The following SMYD3 variants were observed in gnomAD, a reference collection of about 807,000 sequenced individuals.
The protein encoded by SMYD3 is SET and MYND domain containing 3, also known as histone-lysine N-methyltransferase SMYD3.
A neutral mutation model predicts 57.7 loss-of-function variants in SMYD3; 36 were observed. The ratio of observed to expected loss-of-function variants is 0.62; its 90% CI spans 0.48 to 0.82. SMYD3 has a LOEUF of 0.82. Among genes scored for constraint, SMYD3 ranks in the 40% least tolerant of loss-of-function variants. The pLI, the probability that SMYD3 is intolerant of heterozygous loss-of-function variation, is 0.00. For missense variants in SMYD3, 515 were observed against 538.8 expected (o/e 0.96, Z 0.44); for synonymous variants, 211 against 195.0 (o/e 1.08, Z -0.68).
intron 5 of SMYD3, among the ~76,000 whole-genome samples, chr1:246,139,161 A>G (rs555533246): frequency 6.6e-6 from 1 of 152,334 alleles, no homozygotes; most frequent in African/African-American, 2.4e-5. Context: ...TGTCTGATTA[A>G]GCTTCCTGGG....
At chr1:246,082,124 C>G (rs1240836893) in intron 5 of SMYD3, among the ~76,000 whole-genome samples, 7 of 152,138 alleles carry the variant, frequency 4.6e-5, no homozygotes, top group Non-Finnish European at 8.8e-5. Flanking sequence ...TGGTCATAGT[C>G]CCTCCCTAAA....
Position 246,270,402 on chromosome 1 carries a change from C to T in SMYD3, c.531+56799G>A, listed in dbSNP as rs146506413. 7.2e-5 allele frequency among the ~76,000 whole-genome samples: 11 copies of T among 152,276 alleles called. No homozygotes were observed. The East Asian group carries it at 7.7e-4, about 11-fold the overall frequency. On this transcript the variant is annotated intron_variant, in intron 5 of 11. Coordinates refer to ENST00000490107, the MANE Select transcript of SMYD3 (RefSeq NM_001167740.2). ...CCATTCATAATGTTGTGCACCATCA[C>T]CACCATCCATCTCTGTAACTCTTTT...
intron 5 of SMYD3, among the ~76,000 whole-genome samples, chr1:246,301,503 A>G (rs1009851538): frequency 6.6e-6 from 1 of 152,170 alleles, no homozygotes; most frequent in African/African-American, 2.4e-5. Flanking sequence ...GATGGCCACA[A>G]ATTAAGATTG....
rs186429898 is a variant in SMYD3 at position 246,205,761 on chromosome 1, T to C, written c.531+121440A>G. On this transcript the variant is annotated intron_variant, in intron 5 of 11. Transcript: ENST00000490107. Reference sequence around the variant, plus strand: ...CTTGAACCCAGGAGGCGAGGTTGCATTGAGCTGAGATCGTGCCACTGCACT... The same window carrying C: ...CTTGAACCCAGGAGGCGAGGTTGCACTGAGCTGAGATCGTGCCACTGCACT... Among the ~76,000 whole-genome samples, 196 of 152,134 alleles carry C rather than the reference T, an allele frequency of 1.3e-3. 1 individual carries two copies. Among genetic ancestry groups the C allele is most frequent in the African/African-American group, 4.3e-3 (178 of 41,440 alleles).
chr1:246,249,446 A>G (rs753475532), intron 5 of SMYD3, among the ~76,000 whole-genome samples: 3 of 152,160 alleles, frequency 2.0e-5, no homozygotes, highest in African/African-American at 7.2e-5. Context: ...ATACAACACA[A>G]ATATGGAAAC....
chr1:245,782,008 A>G (rs752890480), intron 10 of SMYD3, among the ~76,000 whole-genome samples: 1 of 148,744 alleles, frequency 6.7e-6, no homozygotes, highest in African/African-American at 2.6e-5. Flanking sequence ...TTTTTAAAAA[A>G]GAAACTATGT....
chr1:246,300,102 C>A (rs1427131581), intron 5 of SMYD3, among the ~76,000 whole-genome samples: 1 of 151,636 alleles, frequency 6.6e-6, no homozygotes, highest in Non-Finnish European at 1.5e-5. Context: ...ACGTGGTATG[C>A]ATGTAGCTGT....
intron 1 of SMYD3, among the ~76,000 whole-genome samples, chr1:246,399,442 C>A (rs1401416509): frequency 2.0e-5 from 3 of 152,174 alleles, no homozygotes; most frequent in Non-Finnish European, 4.4e-5. Flanking sequence ...TCAAGCAATT[C>A]TCCCGCCTCA....
chr1:246,151,114 C>T (rs1448809834), intron 5 of SMYD3, among the ~76,000 whole-genome samples: 4 of 151,996 alleles, frequency 2.6e-5, no homozygotes, highest in African/African-American at 4.8e-5. Context: ...GGCGCGGTGG[C>T]GGGCACCTGT....
At position 246,015,075 on chromosome 1, in the gene SMYD3, C is replaced by A. The variant is rs74154347; in HGVS notation, c.532-85138G>T. 2.3e-3 allele frequency among the ~76,000 whole-genome samples: 350 copies of A among 152,238 alleles called. 5 individuals are homozygous for A. The highest frequency in any genetic ancestry group is 7.9e-3 in the African/African-American group (329 of 41,530). ...GTATGTTCTTCAAGCCCACTGAATT[C>A]CCTAAAAATCAGTTCCTACCCCGTT... On this transcript the variant is annotated intron_variant, in intron 5 of 11. Coordinates refer to ENST00000490107, the MANE Select transcript of SMYD3 (RefSeq NM_001167740.2).
At chr1:246,376,868 G>A (rs10924713) in intron 1 of SMYD3, among the ~76,000 whole-genome samples, 21,897 of 151,984 alleles carry the variant, frequency 0.14, 2,155 homozygotes, top group East Asian at 0.42. Flanking sequence ...GGGAGGCTGA[G>A]GTGGGCGGAT....
At chr1:246,103,431 T>A (rs1236971382) in intron 5 of SMYD3, among the ~76,000 whole-genome samples, 4 of 151,384 alleles carry the variant, frequency 2.6e-5, no homozygotes, top group Non-Finnish European at 5.9e-5. Context: ...ATTCAGTTTG[T>A]CCATGTAAAA....
chr1:246,053,311 T>C (rs1450375643), intron 5 of SMYD3, among the ~76,000 whole-genome samples: 3 of 152,130 alleles, frequency 2.0e-5, no homozygotes. Flanking sequence ...AGCAGGCTTT[T>C]TAAAAAGCTA....
At chr1:246,103,341 C>T (rs2061053002) in intron 5 of SMYD3, among the ~76,000 whole-genome samples, 1 of 152,012 alleles carries the variant, frequency 6.6e-6, no homozygotes, top group Non-Finnish European at 1.5e-5. Context: ...TTAAGGCTAT[C>T]GAGAGTGATG....
chr1:245,953,351 T>TAAC, intron 5 of SMYD3: 1 of 987,498 alleles, frequency 1.0e-6, no homozygotes, highest in Non-Finnish European at 1.2e-6. Flanking sequence ...TTTTAGGATG[T>TAAC]AACTCTGAAA....
chr1:246,375,862 T>C (rs1016470644), intron 1 of SMYD3, among the ~76,000 whole-genome samples: 1 of 152,096 alleles, frequency 6.6e-6, no homozygotes, highest in Non-Finnish European at 1.5e-5. Flanking sequence ...CCCAAGTAGC[T>C]GGGATTACAG....
At chr1:246,090,585 T>G (rs74394495) in intron 5 of SMYD3, among the ~76,000 whole-genome samples, 2,870 of 150,856 alleles carry the variant, frequency 0.019, 135 homozygotes, top group East Asian at 0.15. Flanking sequence ...TGGCTGGATC[T>G]CTGTCTGCTG....
At chr1:246,261,796 C>A (rs769422781) in intron 5 of SMYD3, among the ~76,000 whole-genome samples, 1 of 152,092 alleles carries the variant, frequency 6.6e-6, no homozygotes, top group South Asian at 2.1e-4. Context: ...ATATTTAAAA[C>A]GAATGACATT....
At chr1:246,102,034 A>G (rs2061024358) in intron 5 of SMYD3, among the ~76,000 whole-genome samples, 1 of 152,140 alleles carries the variant, frequency 6.6e-6, no homozygotes, top group African/African-American at 2.4e-5. Flanking sequence ...TTCTCCACAG[A>G]CCTTTGCATC....
Sources: gnomAD v4.1 joint callset for allele counts (sites outside exome capture counted in the v4.1 genomes callset) on GRCh38, gnomAD v4.1.1 for gene constraint, MANE v1.5 for transcripts, NCBI Gene and HGNC (gene_info 2026-07-23, HGNC 2026-07-21) for gene names.